Variants in GRIK5 observed in about 807,000 individuals in gnomAD.
GRIK5 encodes glutamate receptor ionotropic, kainate 5.
GRIK5 carries 43 observed loss-of-function variants against 97.4 expected under a neutral mutation model. That is an observed-to-expected ratio of 0.44 (90% CI 0.35 to 0.57). The LOEUF (loss-of-function observed/expected upper bound fraction) is 0.57. Ranked by LOEUF, GRIK5 falls within the 20% of genes least tolerant of loss-of-function variation. The probability of loss-of-function intolerance (pLI) is 0.01; values close to 1 mark genes in which losing one functional copy is unlikely to be tolerated. For missense variants in GRIK5, 1,015 were observed against 1,382.0 expected (o/e 0.73, Z 4.21); for synonymous variants, 580 against 583.5 (o/e 0.99, Z 0.09).
rs562615568 is a variant in GRIK5 at position 42,059,387 on chromosome 19, C to A, written c.649G>T (p.Asp217Tyr). 1 of 1,613,786 alleles carries A rather than the reference C, an allele frequency of 6.2e-7. No homozygotes were observed. The highest frequency in any genetic ancestry group is 1.1e-5 in the South Asian group (1 of 91,068). The part of the protein sequence containing the change: ...RDDKVSTIII[D>Y]ANASISHLIL... ...AGGTGGGAGATGGAGGCGTTGGCGT[C>A]GATGATGATGGTGGACACCTTGTCA... Residue 217 changes from aspartate (D) to tyrosine (Y), a missense_variant, in exon 6 of 20, where the codon GAC (aspartate) becomes TAC (tyrosine). Transcript: ENST00000593562.
chr19:42,056,866 A>G (rs746177200), intron 7 of GRIK5, 43 bp from the exon 8 acceptor site: 1 of 1,613,222 alleles, frequency 6.2e-7, no homozygotes, highest in Admixed American at 1.7e-5. Flanking sequence ...CTAAGCCCTA[A>G]TGGGACAGCT....
At position 42,065,406 on chromosome 19, in the gene GRIK5, TG is replaced by T; in HGVS notation, c.80-20del. On this transcript the variant is annotated intron_variant, in intron 2 of 19. Transcript: ENST00000593562. The surrounding 1 kb of genome is among the most constrained non-coding windows in gnomAD (Gnocchi z 5.8). Reference sequence around the variant, plus strand: ...ATTGCAGCTGAGGGGACACATGGGTTGGGGACCAGACTCCTGAGTCCTGAGG... The same window carrying T: ...ATTGCAGCTGAGGGGACACATGGGTTGGGACCAGACTCCTGAGTCCTGAGG... 6.4e-7 allele frequency: 1 copy of T among 1,565,344 alleles called. No homozygotes were observed. Among genetic ancestry groups the T allele is most frequent in the Non-Finnish European group, 8.7e-7 (1 of 1,153,992 alleles).
At chr19:42,025,060 G>A (rs1028792252) in intron 12 of GRIK5, among the ~76,000 whole-genome samples, 6 of 152,120 alleles carry the variant, frequency 3.9e-5, no homozygotes, top group African/African-American at 1.4e-4. Flanking sequence ...ATCCTCCTCC[G>A]CTGAAACCCA....
Position 42,002,037 on chromosome 19 carries a change from G to A in GRIK5, c.2514+1295C>T. 3.1e-6 allele frequency: 2 copies of A among 645,732 alleles called. No homozygotes were observed. Among genetic ancestry groups the A allele is most frequent in the East Asian group, 2.7e-5 (1 of 36,772 alleles). 40.0% of individuals were successfully genotyped at this position (645,732 alleles called of 1,614,324 possible). A position where few individuals can be genotyped will look rare whatever the true frequency, so the allele number is the denominator to read the frequency against. ...GAGAAGTGGGAGAAGGGGAAGAAGGGGCTTTGAGGATTGAGAGTGACTGGC... is the reference window on the plus strand; with the variant it reads ...GAGAAGTGGGAGAAGGGGAAGAAGGAGCTTTGAGGATTGAGAGTGACTGGC... On this transcript the variant is annotated intron_variant, in intron 19 of 19. Coordinates refer to ENST00000593562, the MANE Select transcript of GRIK5 (RefSeq NM_002088.5). The surrounding 1 kb of genome is among the most constrained non-coding windows in gnomAD (Gnocchi z 5.2).
chr19:42,058,901 A>C (rs2076222037), intron 6 of GRIK5, among the ~76,000 whole-genome samples: 1 of 152,160 alleles, frequency 6.6e-6, no homozygotes, highest in Non-Finnish European at 1.5e-5. Flanking sequence ...AAAAATGTTT[A>C]AAAATCCTTC....
Position 42,065,720 on chromosome 19 carries a change from G to C in GRIK5, c.51C>G (p.Ser17Arg), listed in dbSNP as rs2076322711. The stretch of plus-strand genomic sequence containing the variant: ...TGCGCAGTGATGAGAGCACCTGGCA[G>C]CTGGGGCTGGCGAAGGCAACAATCA... Reference protein sequence around the residue: ...LLLIVAFASPSCQVLSSLRMA... With the variant: ...LLLIVAFASPRCQVLSSLRMA... The change falls in exon 2 of 20, where the codon AGC becomes AGG. Residue 17 changes from serine (S) to arginine (R), a missense_variant. Ser to Arg is a moderately radical substitution (Grantham distance 110). Transcript: ENST00000593562. This position sits in a 1 kb window ranked among gnomAD's most constrained non-coding sequence, Gnocchi z 5.8. The C allele has an allele frequency of 1.3e-6, 2 of 1,596,508 alleles. No homozygotes were observed. The highest frequency in any genetic ancestry group is 1.7e-6 in the Non-Finnish European group (2 of 1,173,150).
At chr19:42,048,839 G>A (rs1189599892) in intron 11 of GRIK5, among the ~76,000 whole-genome samples, 2 of 151,934 alleles carry the variant, frequency 1.3e-5, no homozygotes. Flanking sequence ...AGGAGTCCAA[G>A]ACCAGGCTGG....
In GRIK5 at chr19:42,022,135, G is replaced by A. The variant is rs1207159875; in HGVS notation, c.1588-79C>T. On this transcript the variant is annotated intron_variant, in intron 13 of 19. Transcript: ENST00000593562. This position sits in a 1 kb window ranked among gnomAD's most constrained non-coding sequence, Gnocchi z 4.2. ...CAGCCCCTGCCCTACCAGGGACCTG[G>A]GAGCCTGACCGGCCCATCTGAGGTC... 7.1e-6 allele frequency: 10 copies of A among 1,404,280 alleles called. No homozygotes were observed. Among genetic ancestry groups the A allele is most frequent in the Middle Eastern group, 1.8e-4 (1 of 5,426 alleles). The allele number at this position is 1,404,280 out of a possible 1,614,324, so 87.0% of individuals were successfully genotyped here.
chr19:42,014,899 A>G (rs1172690405), intron 15 of GRIK5, among the ~76,000 whole-genome samples: 1 of 152,238 alleles, frequency 6.6e-6, no homozygotes, highest in East Asian at 1.9e-4. Context: ...TATTTAAAAG[A>G]AAAGAAAAGG....
intron 12 of GRIK5, among the ~76,000 whole-genome samples, chr19:42,024,380 T>C (rs761658442): frequency 5.9e-5 from 9 of 151,856 alleles, no homozygotes; most frequent in Non-Finnish European, 1.2e-4. Context: ...GCCCGGCTGA[T>C]TTTTGTATTT....
intron 11 of GRIK5, among the ~76,000 whole-genome samples, chr19:42,046,513 A>C (rs1433921025): frequency 6.6e-6 from 1 of 152,226 alleles, no homozygotes; most frequent in Non-Finnish European, 1.5e-5. Context: ...TCAAAAACGC[A>C]GGTCCAAGAA....
At position 42,022,386 on chromosome 19, in the gene GRIK5, G is replaced by A; in HGVS notation, c.1474-32C>T. On this transcript the variant is annotated intron_variant, in intron 12 of 19. Coordinates refer to ENST00000593562, the MANE Select transcript of GRIK5 (RefSeq NM_002088.5). This position sits in a 1 kb window ranked among gnomAD's most constrained non-coding sequence, Gnocchi z 4.2. ...GAGGGGAAGCCGGGCAGGGGTGGAG[G>A]GGGACAGAGGGGAAGACAGAAGTGG... The A allele has an allele frequency of 6.3e-7, 1 of 1,575,002 alleles. No homozygotes were observed. The highest frequency in any genetic ancestry group is 8.7e-7 in the Non-Finnish European group (1 of 1,147,712).
chr19:42,039,296 A>T (rs1404237060), intron 12 of GRIK5, among the ~76,000 whole-genome samples: 3 of 152,190 alleles, frequency 2.0e-5, no homozygotes, highest in African/African-American at 7.2e-5. Context: ...CAACATGGCG[A>T]AACCCATCTC....
intron 12 of GRIK5, among the ~76,000 whole-genome samples, chr19:42,029,605 C>T (rs965401469): frequency 1.3e-5 from 2 of 152,126 alleles, no homozygotes; most frequent in African/African-American, 4.8e-5. Flanking sequence ...CCCTAGAGGT[C>T]TGCACCATGA....
chr19:42,021,164 C>A lies in GRIK5; in HGVS notation c.1871+137G>T. ...AGAGCTGGAGCTCAGCTCTCCCCAC[C>A]CCATTCCTCGTCACACAGCTCTGCA... On this transcript the variant is annotated intron_variant, in intron 15 of 19. Transcript: ENST00000593562. This position sits in a 1 kb window ranked among gnomAD's most constrained non-coding sequence, Gnocchi z 4.2. 1 of 720,300 alleles carries A rather than the reference C, an allele frequency of 1.4e-6. No individual in the cohort carries two copies. Among genetic ancestry groups the A allele is most frequent in the Non-Finnish European group, 2.2e-6 (1 of 446,642 alleles). 44.6% of individuals were successfully genotyped at this position (720,300 alleles called of 1,614,324 possible). A position where few individuals can be genotyped will look rare whatever the true frequency, so the allele number is the denominator to read the frequency against.
chr19:42,024,703 GCCGACGGCTCCCCCA>G (rs1319903695), intron 12 of GRIK5, among the ~76,000 whole-genome samples: 3 of 152,118 alleles, frequency 2.0e-5, no homozygotes, highest in Non-Finnish European at 4.4e-5. Context: ...ATTCCAGGCA[GCCGACGGCTCCCCCA>G]CCGCATTCCT....
At position 42,053,616 on chromosome 19, in the gene GRIK5, C is replaced by G; in HGVS notation, c.1255G>C (p.Val419Leu). The change falls in exon 11 of 20, where the codon GTC becomes CTC. Residue 419 changes from valine (V) to leucine (L), a missense_variant. Around this residue, in one of 5 missense-constraint regions of GRIK5, gnomAD observed 477 missense variants for 701.1 expected, o/e 0.68. Coordinates refer to ENST00000593562, the MANE Select transcript of GRIK5 (RefSeq NM_002088.5). ...GGGCCACTCACCAGGATGGTTGTGA[C>G]CACCAGGGTCTTGTTGGCCAGTGTC... ...SQTLANKTLVVTTILENPYVM... is the reference protein window; with the variant it reads ...SQTLANKTLVLTTILENPYVM... The G allele has an allele frequency of 6.2e-7, 1 of 1,606,940 alleles. No individual in the cohort carries two copies. The highest frequency in any genetic ancestry group is 8.5e-7 in the Non-Finnish European group (1 of 1,173,502).
chr19:42,034,858 C>CG (rs1225008907), intron 12 of GRIK5, among the ~76,000 whole-genome samples: 20 of 130,130 alleles, frequency 1.5e-4, no homozygotes, highest in African/African-American at 4.5e-4. Flanking sequence ...GCAGTTGGGG[C>CG]GGGGGGCGGG....
At position 42,038,010 on chromosome 19, in the gene GRIK5, G is replaced by C. The variant is rs556770472; in HGVS notation, c.1473+4542C>G. 7.9e-5 allele frequency among the ~76,000 whole-genome samples: 12 copies of C among 152,326 alleles called. No individual in the cohort carries two copies. The South Asian group carries it at 1.9e-3, about 24-fold the overall frequency. ...CTCCTGCCTCTACATCTCCATCTCA[G>C]AGTCAGCTTCCTGGGACCCTGACCT... On this transcript the variant is annotated intron_variant, in intron 12 of 19. Transcript: ENST00000593562.
Sources: gnomAD v4.1 joint callset for allele counts (sites outside exome capture counted in the v4.1 genomes callset) on GRCh38, gnomAD v4.1.1 for gene constraint, gnomAD v4.1.1 regional missense constraint, Gnocchi (gnomAD v3.1) non-coding constraint, MANE v1.5 for transcripts, NCBI Gene and HGNC (gene_info 2026-07-23, HGNC 2026-07-21) for gene names.